The following ASXL3 variants were observed in gnomAD, a reference collection of about 807,000 sequenced individuals.
ASXL3 encodes the protein putative Polycomb group protein ASXL3.
A neutral mutation model predicts 170.6 loss-of-function variants in ASXL3; 34 were observed. That is an observed-to-expected ratio of 0.20 (90% CI 0.15 to 0.27). ASXL3 has a LOEUF of 0.27. Among genes scored for constraint, ASXL3 ranks in the 10% least tolerant of loss-of-function variants. ASXL3 has a pLI of 1.00. For synonymous variants in ASXL3, 1,002 were observed against 989.1 expected (o/e 1.01, Z -0.24); for missense variants, 2,592 against 2,695.3 (o/e 0.96, Z 0.85).
intron 8 of ASXL3, among the ~76,000 whole-genome samples, chr18:33,693,567 A>G (rs1461726720): frequency 6.6e-6 from 1 of 152,138 alleles, no homozygotes; most frequent in Non-Finnish European, 1.5e-5. Context: ...AGGATCAGGG[A>G]TTTCAGGAGA....
intron 8 of ASXL3, among the ~76,000 whole-genome samples, chr18:33,705,364 G>GT (rs1189126899): frequency 6.4e-4 from 90 of 139,808 alleles, no homozygotes; most frequent in East Asian, 1.2e-3. Flanking sequence ...TGTGTTTTTT[G>GT]TTTTTTTTTT....
chr18:33,684,555 AAG>A (rs1180749075), intron 8 of ASXL3, among the ~76,000 whole-genome samples: 2 of 152,132 alleles, frequency 1.3e-5, no homozygotes, highest in East Asian at 3.9e-4. Flanking sequence ...CATATTTAGA[AAG>A]AGATTATTTT....
chr18:33,737,855 A>T (rs1234817932), intron 10 of ASXL3, among the ~76,000 whole-genome samples: 1 of 152,160 alleles, frequency 6.6e-6, no homozygotes, highest in African/African-American at 2.4e-5. Flanking sequence ...TCTTCCGTTC[A>T]TCTTAATTTC....
intron 1 of ASXL3, among the ~76,000 whole-genome samples, chr18:33,599,723 G>A (rs1469347342): frequency 2.6e-5 from 4 of 152,106 alleles, no homozygotes; most frequent in Non-Finnish European, 5.9e-5. Flanking sequence ...GAGTTTAGCT[G>A]TTACTTTCAA....
In ASXL3 at chr18:33,677,952, C is replaced by T. The variant is rs544744233; in HGVS notation, c.716-5453C>T. 2.8e-4 allele frequency among the ~76,000 whole-genome samples: 43 copies of T among 152,286 alleles called. 1 individual carries two copies. In the South Asian group the frequency reaches 8.7e-3, roughly 31 times the overall value. ...TTGTGTAAGCTGAAGTGCAGTGATA[C>T]CATCATAGCTCACTGCAGCCTCAAA... On this transcript the variant is annotated intron_variant, in intron 7 of 11. Coordinates refer to ENST00000269197, the MANE Select transcript of ASXL3 (RefSeq NM_030632.3).
At chr18:33,731,799 C>G (rs756917077) in intron 8 of ASXL3, among the ~76,000 whole-genome samples, 169 bp from the exon 9 acceptor site, 14 of 152,094 alleles carry the variant, frequency 9.2e-5, no homozygotes, top group Admixed American at 3.9e-4. Flanking sequence ...CACATGCTCT[C>G]GCTGGAGCTC....
intron 9 of ASXL3, 84 bp downstream of exon 9, chr18:33,732,148 CTT>C (rs1277510303): frequency 1.9e-6 from 2 of 1,043,884 alleles, no homozygotes; most frequent in Non-Finnish European, 2.8e-6. Context: ...ATTTTTCAGT[CTT>C]TTCCCCGACA....
At chr18:33,582,704 T>TCTG (rs1178088723) in intron 1 of ASXL3, among the ~76,000 whole-genome samples, 2 of 132,630 alleles carry the variant, frequency 1.5e-5, no homozygotes, top group African/African-American at 5.7e-5. Flanking sequence ...GTTGGTTTTT[T>TCTG]TCTGTGTGTG....
chr18:33,584,177 G>T (rs1220284769), intron 1 of ASXL3, among the ~76,000 whole-genome samples: 1 of 152,154 alleles, frequency 6.6e-6, no homozygotes, highest in Non-Finnish European at 1.5e-5. Flanking sequence ...TAAGAAGAGA[G>T]AACGACATGG....
intron 2 of ASXL3, among the ~76,000 whole-genome samples, chr18:33,628,105 A>AT (rs1015439405): frequency 1.3e-5 from 2 of 151,816 alleles, no homozygotes; most frequent in East Asian, 1.9e-4. Context: ...AGCAGTTTCT[A>AT]TTTTTTTTAG....
intron 4 of ASXL3, among the ~76,000 whole-genome samples, chr18:33,654,323 T>G (rs2145217387): frequency 6.6e-6 from 1 of 152,130 alleles, no homozygotes; most frequent in Non-Finnish European, 1.5e-5. Flanking sequence ...TTCTGTTTGA[T>G]TTATATAATC....
At chr18:33,646,175 C>A in intron 3 of ASXL3, 70 bp from the exon 4 acceptor site, 1 of 1,152,822 alleles carries the variant, frequency 8.7e-7, no homozygotes, top group Non-Finnish European at 1.3e-6. Flanking sequence ...TAGGATTCTG[C>A]AAGTATTTTG....
At chr18:33,660,485 C>T (rs2066154820) in intron 4 of ASXL3, among the ~76,000 whole-genome samples, 1 of 152,090 alleles carries the variant, frequency 6.6e-6, no homozygotes, top group Admixed American at 6.6e-5. Context: ...TTTACTTCTT[C>T]ACCTTCTTTT....
chr18:33,731,984 T>C lies in ASXL3; in HGVS notation c.896T>C (p.Ile299Thr). 6.2e-7 allele frequency: 1 copy of C among 1,612,316 alleles called. No individual in the cohort carries two copies. ...TTTTCCTAGATGGGAAGTGATGGAA[T>C]TTTACGCCTCAGTACTTCAGCTCTA... ...EVDRQMGSDG[I>T]LRLSTSALNN... The change falls in exon 9 of 12, where the codon ATT becomes ACT. Residue 299 changes from isoleucine (I) to threonine (T), a missense_variant. Around this residue, in one of 4 missense-constraint regions of ASXL3, gnomAD observed 73 missense variants for 142.7 expected, o/e 0.51. Transcript: ENST00000269197.
intron 2 of ASXL3, among the ~76,000 whole-genome samples, chr18:33,618,984 GGACAT>G (rs1178224443): frequency 5.3e-5 from 8 of 151,794 alleles, no homozygotes; most frequent in Non-Finnish European, 7.4e-5. Flanking sequence ...TAATAAATAG[GGACAT>G]GATAATAAAA....
chr18:33,657,466 T>C (rs530128485), intron 4 of ASXL3, among the ~76,000 whole-genome samples: 2 of 152,220 alleles, frequency 1.3e-5, no homozygotes, highest in Non-Finnish European at 2.9e-5. Flanking sequence ...TGTACACCTG[T>C]CAGTGGATTA....
intron 1 of ASXL3, among the ~76,000 whole-genome samples, chr18:33,591,417 C>T (rs1041480723): frequency 1.3e-5 from 2 of 151,986 alleles, no homozygotes; most frequent in Non-Finnish European, 1.5e-5. Context: ...CTTTAGTGAG[C>T]GAATGAGAAA....
chr18:33,695,454 T>C (rs904841746), intron 8 of ASXL3, among the ~76,000 whole-genome samples: 1 of 152,080 alleles, frequency 6.6e-6, no homozygotes, highest in Admixed American at 6.6e-5. Flanking sequence ...GGTATGGAGG[T>C]ATATATAATT....
intron 8 of ASXL3, among the ~76,000 whole-genome samples, chr18:33,719,644 G>C (rs916656907): frequency 5.3e-5 from 8 of 152,148 alleles, no homozygotes; most frequent in African/African-American, 1.9e-4. Context: ...CCATAGTGAT[G>C]TTACTAGAAG....
Sources: allele counts gnomAD v4.1 joint callset (sites outside exome capture counted in the v4.1 genomes callset), GRCh38; gene constraint gnomAD v4.1.1; regional missense constraint gnomAD v4.1.1; transcripts MANE v1.5; gene names NCBI Gene and HGNC (gene_info 2026-07-23, HGNC 2026-07-21).